Variants in ATE1 observed in about 807,000 individuals in gnomAD.
The protein encoded by ATE1 is arginyl-tRNA--protein transferase 1.
A neutral mutation model predicts 70.5 loss-of-function variants in ATE1; 36 were observed. The observed-to-expected ratio is 0.51, with a 90% CI of 0.39 to 0.67. ATE1 has a LOEUF of 0.67. Among genes scored for constraint, ATE1 ranks in the 30% least tolerant of loss-of-function variants. The probability of loss-of-function intolerance (pLI) is 0.00; values close to 1 mark genes in which losing one functional copy is unlikely to be tolerated. For missense variants in ATE1, 593 were observed against 629.5 expected (o/e 0.94, Z 0.62); for synonymous variants, 232 against 219.3 (o/e 1.06, Z -0.51).
At chr10:121,891,422 T>C (rs749703807) in intron 7 of ATE1, among the ~76,000 whole-genome samples, 4 of 152,146 alleles carry the variant, frequency 2.6e-5, no homozygotes, top group South Asian at 2.1e-4. Flanking sequence ...AGAGACCATA[T>C]TGAATATACC....
intron 10 of ATE1, among the ~76,000 whole-genome samples, chr10:121,814,808 G>A (rs534557697): frequency 5.3e-5 from 8 of 152,276 alleles, no homozygotes; most frequent in African/African-American, 1.7e-4. Context: ...ATATATGCAC[G>A]TAAACTTGGG....
Position 121,800,369 on chromosome 10 carries a change from AG to A in ATE1, c.1258-10081del, listed in dbSNP as rs370244412. ...GCTTGGCCGATTGCAATAAAATTGA[AG>A]TTACCAATTCACGCCCTGCCATTTT... On this transcript the variant is annotated intron_variant, in intron 10 of 11. Transcript: ENST00000224652. 5.4e-3 allele frequency among the ~76,000 whole-genome samples: 818 copies of A among 152,338 alleles called. 4 individuals are homozygous for A. The highest frequency in any genetic ancestry group is 0.019 in the African/African-American group (770 of 41,592).
At chr10:121,919,205 C>T (rs888867581) in intron 3 of ATE1, among the ~76,000 whole-genome samples, 19 of 152,058 alleles carry the variant, frequency 1.2e-4, no homozygotes, top group South Asian at 8.3e-4. Flanking sequence ...TTTGGGTCTG[C>T]GTCACATTTA....
chr10:121,870,133 G>T, intron 7 of ATE1, 95 bp from the exon 8 acceptor site: 1 of 1,207,218 alleles, frequency 8.3e-7, no homozygotes, highest in Non-Finnish European at 1.2e-6. Flanking sequence ...CAATTTTCCA[G>T]TAAATCCACT....
chr10:121,811,142 TATAAG>T (rs1364977470), intron 10 of ATE1, among the ~76,000 whole-genome samples: 4 of 152,246 alleles, frequency 2.6e-5, no homozygotes, highest in Middle Eastern at 3.2e-3. Context: ...TAATGTGATT[TATAAG>T]ATAATTTCTC....
intron 11 of ATE1, among the ~76,000 whole-genome samples, chr10:121,780,708 T>C (rs1253041850): frequency 6.6e-6 from 1 of 152,228 alleles, no homozygotes; most frequent in African/African-American, 2.4e-5. Context: ...TCTGAATATG[T>C]TGTTCTCTAC....
chr10:121,911,913 AT>A (rs1951452366), intron 4 of ATE1, among the ~76,000 whole-genome samples: 1 of 151,924 alleles, frequency 6.6e-6, no homozygotes, highest in Admixed American at 6.6e-5. Flanking sequence ...TGCCCAGTTA[AT>A]TTTTTGCATT....
At position 121,743,850 on chromosome 10, in the gene ATE1, C is replaced by A. The variant is rs1439976170; in HGVS notation, c.1387G>T (p.Asp463Tyr). ...AATCGGTCAGGTTCCGTACTGCGATCCTCATCCACTGCAACGACAAAAAAT... is the reference window on the plus strand; with the variant it reads ...AATCGGTCAGGTTCCGTACTGCGATACTCATCCACTGCAACGACAAAAAAT... ...FNQDPEAVDE[D>Y]RSTEPDRLQV... Residue 463 changes from aspartate to tyrosine, a missense_variant, in exon 12 of 12, where the codon GAT (aspartate) becomes TAT (tyrosine). Asp to Tyr is a radical substitution (Grantham distance 160). This residue lies in a region of ATE1 where 90 missense variants were observed against 93.7 expected (regional missense o/e 0.96). Transcript: ENST00000224652. The A allele has an allele frequency of 1.9e-6, 3 of 1,600,402 alleles. No homozygotes were observed. Among genetic ancestry groups the A allele is most frequent in the Non-Finnish European group, 1.7e-6 (2 of 1,174,410 alleles).
intron 8 of ATE1, among the ~76,000 whole-genome samples, chr10:121,855,418 G>A (rs1024750452): frequency 2.0e-5 from 3 of 152,152 alleles, no homozygotes; most frequent in African/African-American, 7.2e-5. Context: ...TAGTCCTTTT[G>A]TTTGTCTAAT....
intron 11 of ATE1, among the ~76,000 whole-genome samples, chr10:121,762,942 C>A (rs1945114935): frequency 6.6e-6 from 1 of 152,130 alleles, no homozygotes; most frequent in South Asian, 2.1e-4. Context: ...TTTCATTATA[C>A]ATTAGTTCGC....
intron 11 of ATE1, among the ~76,000 whole-genome samples, chr10:121,764,720 C>A (rs1015304745): frequency 2.0e-5 from 3 of 152,202 alleles, no homozygotes; most frequent in Non-Finnish European, 4.4e-5. Flanking sequence ...TGAGTTTATG[C>A]TTTGCTGAAG....
chr10:121,826,065 A>ACT (rs1341144387), intron 10 of ATE1, among the ~76,000 whole-genome samples: 1 of 152,230 alleles, frequency 6.6e-6, no homozygotes, highest in African/African-American at 2.4e-5. Flanking sequence ...TAAGTCAGTT[A>ACT]CAGAAAGACA....
rs1314492074 is a variant in ATE1 at position 121,841,118 on chromosome 10, T to C, written c.1121A>G (p.Tyr374Cys). ...GTAGACGCCCAAAGACAAAAACGAA[T>C]AATCAGGATCGTAGTACAAATACAC... ...SSVYLYYDPDYSFLSLGVYSA... is the reference protein window; with the variant it reads ...SSVYLYYDPDCSFLSLGVYSA... The change falls in exon 9 of 12, where the codon TAT becomes TGT. Residue 374 changes from tyrosine (Y) to cysteine (C), a missense_variant. Physicochemically the swap from Tyr to Cys is radical, Grantham distance 194. Transcript: ENST00000224652. The C allele has an allele frequency of 1.3e-6, 2 of 1,577,924 alleles. No individual in the cohort carries two copies. The highest frequency in any genetic ancestry group is 1.7e-6 in the Non-Finnish European group (2 of 1,158,176).
intron 10 of ATE1, among the ~76,000 whole-genome samples, chr10:121,799,717 A>T (rs1267782363): frequency 6.6e-6 from 1 of 152,222 alleles, no homozygotes; most frequent in African/African-American, 2.4e-5. Context: ...CATAAATTCA[A>T]ATTTATTGCC....
At chr10:121,881,001 T>C (rs1037486562) in intron 7 of ATE1, among the ~76,000 whole-genome samples, 3 of 152,212 alleles carry the variant, frequency 2.0e-5, no homozygotes, top group Non-Finnish European at 2.9e-5. Flanking sequence ...GCTTAACTCA[T>C]TGTATGTAAA....
At chr10:121,786,154 AG>A (rs1946195041) in intron 11 of ATE1, among the ~76,000 whole-genome samples, 1 of 148,588 alleles carries the variant, frequency 6.7e-6, no homozygotes, top group African/African-American at 2.5e-5. Context: ...ACTGAGTAAC[AG>A]GGGGAATCAT....
At chr10:121,777,180 C>T (rs114408300) in intron 11 of ATE1, among the ~76,000 whole-genome samples, 4 of 152,080 alleles carry the variant, frequency 2.6e-5, no homozygotes, top group South Asian at 2.1e-4. Context: ...TAATGACTGG[C>T]GGGACTAGAA....
chr10:121,842,628 A>C (rs1182577492), intron 8 of ATE1, among the ~76,000 whole-genome samples: 4 of 152,180 alleles, frequency 2.6e-5, no homozygotes, highest in African/African-American at 7.2e-5. Context: ...TTATACCATG[A>C]ACAAAAGAGA....
intron 9 of ATE1, among the ~76,000 whole-genome samples, chr10:121,840,638 G>T (rs1948594303): frequency 6.6e-6 from 1 of 151,854 alleles, no homozygotes; most frequent in African/African-American, 2.4e-5. Context: ...AAAAGCTAGA[G>T]AATTACCATC....
Sources: gnomAD v4.1 joint callset for allele counts (sites outside exome capture counted in the v4.1 genomes callset) on GRCh38, gnomAD v4.1.1 for gene constraint, gnomAD v4.1.1 regional missense constraint, MANE v1.5 for transcripts, NCBI Gene and HGNC (gene_info 2026-07-23, HGNC 2026-07-21) for gene names.